Variants in CYFIP2 observed in about 807,000 individuals in gnomAD.
CYFIP2 encodes the protein cytoplasmic FMR1 interacting protein 2.
In CYFIP2, 29 loss-of-function variants were observed where a neutral mutation model predicts 158.7. That is an observed-to-expected ratio of 0.18 (90% CI 0.14 to 0.25). The LOEUF is 0.25. CYFIP2 is among the 10% of genes least tolerant of loss of function. The pLI is 1.00. For missense variants in CYFIP2, 852 were observed against 1,639.5 expected, an observed-to-expected ratio of 0.52 and a Z score of 8.29; for synonymous variants, 585 against 617.6, an observed-to-expected ratio of 0.95 and a Z score of 0.78.
chr5:157,308,323 C>T (rs967335736), intron 9 of CYFIP2, among the ~76,000 whole-genome samples: 4 of 152,158 alleles, frequency 2.6e-5, no homozygotes, highest in Non-Finnish European at 2.9e-5. Context: ...AGCCTCTCAC[C>T]TGGTACACCA....
intron 26 of CYFIP2, among the ~76,000 whole-genome samples, chr5:157,374,385 T>C (rs1185657015): frequency 2.0e-5 from 3 of 152,190 alleles, no homozygotes; most frequent in African/African-American, 7.2e-5. Flanking sequence ...GATTCTGCAG[T>C]GTGCTTGGCA....
chr5:157,290,428 T>C (rs1757725978), intron 3 of CYFIP2, among the ~76,000 whole-genome samples: 1 of 152,214 alleles, frequency 6.6e-6, no homozygotes, highest in Non-Finnish European at 1.5e-5. Flanking sequence ...TCTCCTTCTC[T>C]GACTCTTCTG....
At chr5:157,376,450 G>C (rs951898912) in intron 26 of CYFIP2, 1 of 153,086 alleles carries the variant, frequency 6.5e-6, no homozygotes, top group Non-Finnish European at 1.5e-5. Flanking sequence ...CTTCATCTCT[G>C]TGCCTTTGAG....
In CYFIP2 at chr5:157,359,040, C is replaced by T. The variant is rs371615057; in HGVS notation, c.2709C>T (p.Ser903=). The change falls in exon 24 of 31, where the codon TCC becomes TCT. Residue 903 remains serine (S), a synonymous_variant. Coordinates refer to ENST00000620254, the MANE Select transcript of CYFIP2 (RefSeq NM_001037333.3). ...LNIAYSHIYS[S]YRNFVGPPHF... ...TTGCCTACAGCCACATCTACAGCTC[C>T]TACAGGAATTTCGTGGGGCCACCTC... is the stretch of plus-strand genomic sequence containing the variant. The T allele has an allele frequency of 5.0e-6, 8 of 1,613,840 alleles. No homozygotes were observed. The African/African-American group carries it at 1.1e-4, about 22-fold the overall frequency.
intron 1 of CYFIP2, among the ~76,000 whole-genome samples, chr5:157,275,919 G>A (rs1375059184): frequency 2.6e-5 from 4 of 152,076 alleles, no homozygotes; most frequent in African/African-American, 9.7e-5. Flanking sequence ...ACTATAAATA[G>A]AACTGTTTTC....
At position 157,320,709 on chromosome 5, in the gene CYFIP2, C is replaced by T. The variant is rs1760527230; in HGVS notation, c.1578C>T (p.Pro526=). The part of the protein sequence containing the change: ...TICDWEGGRE[P]PNDPCLRGEK... ...GTGACTGGGAGGGAGGGCGAGAGCC[C>T]CCTAATGACCCATGCTTGAGAGGGG... The change falls in exon 15 of 31, where the codon CCC becomes CCT. Residue 526 remains proline, a synonymous_variant. Transcript: ENST00000620254. 1.2e-6 allele frequency: 2 copies of T among 1,613,606 alleles called. No homozygotes were observed. The highest frequency in any genetic ancestry group is 1.7e-6 in the Non-Finnish European group (2 of 1,179,778).
chr5:157,356,248 A>G (rs1478833707), intron 23 of CYFIP2, among the ~76,000 whole-genome samples: 15 of 152,128 alleles, frequency 9.9e-5, no homozygotes, highest in Non-Finnish European at 1.5e-5. Flanking sequence ...GTAGGCTCCC[A>G]TGGCATAGAG....
chr5:157,372,881 G>A (rs993795988), intron 26 of CYFIP2, among the ~76,000 whole-genome samples: 2 of 151,992 alleles, frequency 1.3e-5, no homozygotes, highest in Non-Finnish European at 2.9e-5. Context: ...TCTGCTTCAG[G>A]AATACTAACA....
intron 21 of CYFIP2, among the ~76,000 whole-genome samples, chr5:157,335,237 A>G (rs9313545): frequency 0.46 from 70,587 of 152,002 alleles, 18,226 homozygotes; most frequent in African/African-American, 0.71. Context: ...GGTTACTATA[A>G]GGATAAAATG....
Position 157,359,256 on chromosome 5 carries a change from C to T in CYFIP2, c.2817+108C>T, listed in dbSNP as rs111581829. The stretch of plus-strand genomic sequence containing the variant: ...CTGTAAAAACAAATCCCAGGCACTG[C>T]AGCTCTACCTGTAGAAACCACTCAA... On this transcript the variant is annotated intron_variant, in intron 24 of 30. Transcript: ENST00000620254. The T allele has an allele frequency of 9.3e-6, 12 of 1,292,718 alleles. No homozygotes were observed. In the African/African-American group the frequency reaches 1.0e-4, roughly 11 times the overall value. 80.1% of individuals were successfully genotyped at this position (1,292,718 alleles called of 1,614,324 possible).
intron 12 of CYFIP2, 25 bp downstream of exon 12, chr5:157,314,488 T>G (rs776216306): frequency 1.6e-5 from 25 of 1,607,216 alleles, no homozygotes; most frequent in Non-Finnish European, 2.1e-5. Context: ...GTAGAGGGCC[T>G]CACACTGACC....
rs1236656663 is a variant in CYFIP2 at position 157,324,035 on chromosome 5, A to G, written c.1786A>G (p.Lys596Glu). Reference sequence around the variant, plus strand: ...TGTCCTCGCCATAGAGGACTTTCACAAACAGTCCTTCTTCTTCACACATCT... The same window carrying G: ...TGTCCTCGCCATAGAGGACTTTCACGAACAGTCCTTCTTCTTCACACATCT... ...PIVLAIEDFH[K>E]QSFFFTHLLN... The change falls in exon 16 of 31, where the codon AAA (lysine) becomes GAA (glutamate). Residue 596 changes from lysine to glutamate, a missense_variant. Physicochemically the swap from Lys to Glu is moderately conservative, Grantham distance 56. Coordinates refer to ENST00000620254, the MANE Select transcript of CYFIP2 (RefSeq NM_001037333.3). The G allele has an allele frequency of 1.2e-6, 2 of 1,613,770 alleles. No homozygotes were observed. Among genetic ancestry groups the G allele is most frequent in the Non-Finnish European group, 1.7e-6 (2 of 1,179,808 alleles).
At chr5:157,358,732 G>C (rs1275268637) in intron 23 of CYFIP2, among the ~76,000 whole-genome samples, 2 of 152,160 alleles carry the variant, frequency 1.3e-5, no homozygotes, top group Non-Finnish European at 2.9e-5. Context: ...GTCATGGGTG[G>C]CAGGAATCCC....
chr5:157,292,964 A>G (rs1474786797), intron 3 of CYFIP2, among the ~76,000 whole-genome samples: 1 of 152,172 alleles, frequency 6.6e-6, no homozygotes, highest in South Asian at 2.1e-4. Context: ...GTGATTTACA[A>G]TAGACTAAAG....
intron 30 of CYFIP2, 82 bp from the exon 31 acceptor site, chr5:157,392,751 A>G: frequency 2.7e-6 from 4 of 1,465,644 alleles, no homozygotes; most frequent in Non-Finnish European, 3.8e-6. Flanking sequence ...GGGACCCTGG[A>G]CCTCAGTGAC....
At chr5:157,368,298 T>C (rs1199410216) in intron 26 of CYFIP2, among the ~76,000 whole-genome samples, 2 of 152,140 alleles carry the variant, frequency 1.3e-5, no homozygotes, top group Non-Finnish European at 2.9e-5. Context: ...AAGGAAAGAC[T>C]CATACATAGC....
At chr5:157,273,314 C>T (rs1213548284) in intron 1 of CYFIP2, among the ~76,000 whole-genome samples, 1 of 152,184 alleles carries the variant, frequency 6.6e-6, no homozygotes, top group South Asian at 2.1e-4. Context: ...GCCTTGGTTT[C>T]CTCATCAGTA....
At chr5:157,275,765 A>G (rs192646305) in intron 1 of CYFIP2, among the ~76,000 whole-genome samples, 2 of 152,338 alleles carry the variant, frequency 1.3e-5, no homozygotes, top group African/African-American at 4.8e-5. Flanking sequence ...TAACAATATT[A>G]AGCCTTCCAA....
chr5:157,296,187 C>T (rs1758242964), intron 4 of CYFIP2, among the ~76,000 whole-genome samples: 1 of 152,248 alleles, frequency 6.6e-6, no homozygotes, highest in African/African-American at 2.4e-5. Context: ...CGGAGCACTT[C>T]TGCCCCCTGC....
Sources: allele counts gnomAD v4.1 joint callset (sites outside exome capture counted in the v4.1 genomes callset), GRCh38; gene constraint gnomAD v4.1.1; transcripts MANE v1.5; gene names NCBI Gene and HGNC (gene_info 2026-07-23, HGNC 2026-07-21).